The following CFAP54 variants were observed in gnomAD, a reference collection of about 807,000 sequenced individuals.
CFAP54 encodes cilia and flagella associated protein 54.
In CFAP54, 290 loss-of-function variants were observed where a neutral mutation model predicts 370.4. That is an observed-to-expected ratio of 0.78 (90% CI 0.71 to 0.86). The LOEUF is 0.86. Among genes scored for constraint, CFAP54 ranks in the 40% least tolerant of loss-of-function variants. The pLI is 0.00. For missense variants in CFAP54, 3,399 were observed against 3,528.7 expected (o/e 0.96, Z 0.93); for synonymous variants, 1,206 against 1,236.5 (o/e 0.98, Z 0.52).
intron 8 of CFAP54, 128 bp downstream of exon 8, chr12:96,522,317 A>G: frequency 1.7e-6 from 1 of 583,900 alleles, no homozygotes; most frequent in Non-Finnish European, 2.8e-6. Flanking sequence ...TAATGGGTAA[A>G]TAGAGAGAAG....
At chr12:96,755,137 A>G (rs977968135) in intron 56 of CFAP54, among the ~76,000 whole-genome samples, 2 of 152,064 alleles carry the variant, frequency 1.3e-5, no homozygotes, top group African/African-American at 4.8e-5. Context: ...GTTTTCAGCC[A>G]TTTGCTGACT....
intron 38 of CFAP54, among the ~76,000 whole-genome samples, chr12:96,663,465 G>C (rs1957020085): frequency 6.8e-6 from 1 of 147,290 alleles, no homozygotes; most frequent in African/African-American, 2.5e-5. Flanking sequence ...AAATAAAATT[G>C]CATTAATTAT....
At chr12:96,602,870 T>A in intron 26 of CFAP54, among the ~76,000 whole-genome samples, 1 of 152,206 alleles carries the variant, frequency 6.6e-6, no homozygotes, top group East Asian at 1.9e-4. Context: ...AAGATGGGTC[T>A]CCTGAATACA....
At chr12:96,490,686 C>T (rs1417148240) in intron 1 of CFAP54, among the ~76,000 whole-genome samples, 1 of 150,502 alleles carries the variant, frequency 6.6e-6, no homozygotes, top group East Asian at 1.9e-4. Flanking sequence ...AGCAAGACTC[C>T]TTCTCAAAAA....
At chr12:96,855,924 G>A (rs1235462517) in intron 66 of CFAP54, among the ~76,000 whole-genome samples, 2 of 152,170 alleles carry the variant, frequency 1.3e-5, no homozygotes, top group Non-Finnish European at 2.9e-5. Context: ...TCTCCGTGAG[G>A]GCCCTGTCTG....
intron 65 of CFAP54, among the ~76,000 whole-genome samples, chr12:96,826,920 G>C (rs1487541721): frequency 1.6e-5 from 2 of 124,186 alleles, no homozygotes; most frequent in Non-Finnish European, 3.2e-5. Context: ...AATTATATAT[G>C]ATTATATATA....
chr12:96,843,425 A>T (rs1294211973), intron 66 of CFAP54, among the ~76,000 whole-genome samples: 1 of 152,162 alleles, frequency 6.6e-6, no homozygotes, highest in Non-Finnish European at 1.5e-5. Flanking sequence ...ATGGAACTAA[A>T]CCTTTACTGT....
At chr12:96,581,516 G>A (rs1402235418) in intron 22 of CFAP54, among the ~76,000 whole-genome samples, 1 of 152,044 alleles carries the variant, frequency 6.6e-6, no homozygotes, top group Non-Finnish European at 1.5e-5. Flanking sequence ...GTGAGTAGAG[G>A]CCAGGGAGGC....
chr12:96,682,252 T>C, intron 40 of CFAP54: 1 of 985,808 alleles, frequency 1.0e-6, no homozygotes, highest in South Asian at 4.7e-5. Context: ...TCAGGAGCAC[T>C]TCAGAGTTTT....
At position 96,533,794 on chromosome 12, in the gene CFAP54, T is replaced by C. The variant is rs1031070281; in HGVS notation, c.1360T>C (p.Ser454Pro). ...FMAGKELLIMSNIGADGMLDF... is the reference protein window; with the variant it reads ...FMAGKELLIMPNIGADGMLDF... ...AAACTCTCTTCTTCCTTTCCTAGTG[T>C]CAAATATTGGTGCAGATGGAATGCT... The change falls in exon 10 of 68, where the codon TCA becomes CCA. Residue 454 changes from serine (S) to proline (P), a missense_variant and splice_region_variant. By Grantham distance (74) the Ser-to-Pro change is moderately conservative. Coordinates refer to ENST00000524981, the MANE Select transcript of CFAP54 (RefSeq NM_001306084.2). 2 of 1,509,096 alleles carry C rather than the reference T, an allele frequency of 1.3e-6. No individual in the cohort carries two copies. The highest frequency in any genetic ancestry group is 2.5e-5 in the South Asian group (2 of 78,516). The allele number at this position is 1,509,096 out of a possible 1,614,324, so 93.5% of individuals were successfully genotyped here.
At chr12:96,686,055 G>T (rs1233822447) in intron 42 of CFAP54, among the ~76,000 whole-genome samples, 2 of 152,184 alleles carry the variant, frequency 1.3e-5, no homozygotes, top group African/African-American at 2.4e-5. Context: ...GCATCAGTTT[G>T]CTAGGGCTAT....
chr12:96,642,319 A>C (rs1221327160), intron 32 of CFAP54, among the ~76,000 whole-genome samples: 1 of 152,104 alleles, frequency 6.6e-6, no homozygotes. Flanking sequence ...TTTAGTGAGA[A>C]GTGGTATTTA....
intron 50 of CFAP54, among the ~76,000 whole-genome samples, chr12:96,737,366 C>CA (rs1261808336): frequency 6.6e-6 from 1 of 151,528 alleles, no homozygotes; most frequent in Non-Finnish European, 1.5e-5. Flanking sequence ...TGGTAAATAC[C>CA]AGTTATTATC....
At chr12:96,552,567 A>C (rs189505360) in intron 15 of CFAP54, among the ~76,000 whole-genome samples, 1 of 151,440 alleles carries the variant, frequency 6.6e-6, no homozygotes, top group East Asian at 2.0e-4. Flanking sequence ...CTGGTCTTGA[A>C]CTCCTGACCT....
intron 17 of CFAP54, among the ~76,000 whole-genome samples, chr12:96,562,894 T>C (rs1955830659): frequency 6.6e-6 from 1 of 152,358 alleles, no homozygotes. Context: ...AATATCTCTG[T>C]GTCATCATGT....
intron 66 of CFAP54, among the ~76,000 whole-genome samples, chr12:96,834,009 A>G (rs926062418): frequency 2.0e-5 from 3 of 152,208 alleles, no homozygotes; most frequent in Non-Finnish European, 2.9e-5. Context: ...TGATAAAAGT[A>G]GAAGGCAGGA....
chr12:96,768,170 A>G (rs1381927775), intron 60 of CFAP54, among the ~76,000 whole-genome samples: 1 of 151,974 alleles, frequency 6.6e-6, no homozygotes, highest in Non-Finnish European at 1.5e-5. Context: ...AAAATACAAA[A>G]ATTAGCCGGG....
At chr12:96,819,290 G>A (rs945430894) in intron 65 of CFAP54, among the ~76,000 whole-genome samples, 4 of 152,178 alleles carry the variant, frequency 2.6e-5, no homozygotes, top group Non-Finnish European at 2.9e-5. Flanking sequence ...ACCAGTCACT[G>A]TGGCGGGAGG....
intron 20 of CFAP54, among the ~76,000 whole-genome samples, chr12:96,580,378 T>A (rs1956021022): frequency 6.6e-6 from 1 of 152,140 alleles, no homozygotes; most frequent in Non-Finnish European, 1.5e-5. Context: ...TTAATGGTGG[T>A]TAAAATAATT....
Sources: allele counts gnomAD v4.1 joint callset (sites outside exome capture counted in the v4.1 genomes callset), GRCh38; gene constraint gnomAD v4.1.1; transcripts MANE v1.5; gene names NCBI Gene and HGNC (gene_info 2026-07-23, HGNC 2026-07-21).